The following FSHR variants were observed in gnomAD, a reference collection of about 807,000 sequenced individuals.
The protein encoded by FSHR is follicle-stimulating hormone receptor.
A neutral mutation model predicts 52.1 loss-of-function variants in FSHR; 46 were observed. The observed-to-expected ratio is 0.88, with a 90% confidence interval of 0.70 to 1.13. The LOEUF is 1.13. FSHR is among the 50% of genes most tolerant of loss of function. FSHR has a pLI of 0.00. For synonymous variants in FSHR, 399 were observed against 309.6 expected, an observed-to-expected ratio of 1.29 and a Z score of -3.03; for missense variants, 964 against 834.6, an observed-to-expected ratio of 1.16 and a Z score of -1.91.
At chr2:49,015,996 G>C (rs909533953) in intron 4 of FSHR, among the ~76,000 whole-genome samples, 11 of 152,050 alleles carry the variant, frequency 7.2e-5, no homozygotes, top group Non-Finnish European at 1.3e-4. Flanking sequence ...ACCCTTTCTG[G>C]GGTAGCTGTC....
intron 9 of FSHR, among the ~76,000 whole-genome samples, chr2:48,966,165 G>C (rs1362737435): frequency 6.6e-6 from 1 of 152,198 alleles, no homozygotes; most frequent in Non-Finnish European, 1.5e-5. Flanking sequence ...AAGATACAGA[G>C]TATTACAGTG....
At chr2:49,141,568 C>G (rs1298725939) in intron 1 of FSHR, among the ~76,000 whole-genome samples, 2 of 152,154 alleles carry the variant, frequency 1.3e-5, no homozygotes, top group Non-Finnish European at 2.9e-5. Context: ...ATACCTCCCA[C>G]CAGGCCCCAC....
At chr2:48,967,686 T>C (rs538245757) in intron 9 of FSHR, among the ~76,000 whole-genome samples, 9 of 152,348 alleles carry the variant, frequency 5.9e-5, no homozygotes, top group Admixed American at 2.6e-4. Context: ...GAGTAGGGAC[T>C]TCCAGCTACT....
At chr2:49,007,628 T>C (rs1400620993) in intron 4 of FSHR, among the ~76,000 whole-genome samples, 1 of 152,112 alleles carries the variant, frequency 6.6e-6, no homozygotes, top group African/African-American at 2.4e-5. Flanking sequence ...TTGAGAAACA[T>C]GAATGATGTA....
chr2:48,995,319 T>C (rs1191548242), intron 4 of FSHR, among the ~76,000 whole-genome samples: 2 of 152,086 alleles, frequency 1.3e-5, no homozygotes, highest in African/African-American at 2.4e-5. Flanking sequence ...GTGAATGCTT[T>C]ATGAGTTCAG....
intron 4 of FSHR, among the ~76,000 whole-genome samples, chr2:49,009,835 T>C (rs1163318292): frequency 5.3e-5 from 6 of 113,670 alleles, no homozygotes; most frequent in African/African-American, 1.6e-4. Context: ...GTTTGTCTGT[T>C]GCTGGTGTAT....
intron 2 of FSHR, among the ~76,000 whole-genome samples, chr2:49,036,212 T>C (rs1413002916): frequency 4.6e-5 from 7 of 152,198 alleles, no homozygotes; most frequent in Non-Finnish European, 8.8e-5. Flanking sequence ...CAAATTGTGA[T>C]GAGAGGTACG....
At chr2:49,062,179 C>T (rs1008509078) in intron 2 of FSHR, among the ~76,000 whole-genome samples, 1 of 152,024 alleles carries the variant, frequency 6.6e-6, no homozygotes, top group African/African-American at 2.4e-5. Flanking sequence ...AAATATACTA[C>T]AAAGCTATAG....
Position 48,963,848 on chromosome 2 carries a change from C to G in FSHR, c.973G>C (p.Gly325Arg), listed in dbSNP as rs768892485. The stretch of plus-strand genomic sequence containing the variant: ...AACTCAGTGTACGTCATGTCAAATC[C>G]TCTGCTGTAGCTGGACTCATTGTCT... ...AEDNESSYSR[G>R]FDMTYTEFDY... The change falls in exon 10 of 10, where the codon GGA becomes CGA. Residue 325 changes from glycine to arginine, a missense_variant. Physicochemically the swap from Gly to Arg is moderately radical, Grantham distance 125. Transcript: ENST00000406846. The G allele has an allele frequency of 6.2e-7, 1 of 1,613,994 alleles. No individual in the cohort carries two copies. The highest frequency in any genetic ancestry group is 8.5e-7 in the Non-Finnish European group (1 of 1,180,020).
intron 8 of FSHR, among the ~76,000 whole-genome samples, chr2:48,976,601 C>T (rs1675001274): frequency 6.6e-6 from 1 of 152,144 alleles, no homozygotes; most frequent in Non-Finnish European, 1.5e-5. Context: ...GGCTGTGAAT[C>T]TGTCTGGTCC....
chr2:49,138,690 G>T (rs1672571337), intron 1 of FSHR, among the ~76,000 whole-genome samples: 1 of 152,172 alleles, frequency 6.6e-6, no homozygotes, highest in Admixed American at 6.5e-5. Context: ...CTTGCTCAGG[G>T]ATGAATGGAG....
chr2:49,037,571 AAAT>A (rs57766180), intron 2 of FSHR, among the ~76,000 whole-genome samples: 4,706 of 152,300 alleles, frequency 0.031, 208 homozygotes, highest in African/African-American at 0.1. Flanking sequence ...ATTATAAGAA[AAAT>A]AAGAAAATTT....
chr2:49,074,775 G>A (rs1045824105), intron 1 of FSHR, among the ~76,000 whole-genome samples: 1 of 143,606 alleles, frequency 7.0e-6, no homozygotes, highest in African/African-American at 2.6e-5. Context: ...AATCAACCTA[G>A]TTGTCCAACA....
chr2:49,133,642 G>A (rs1672377307), intron 1 of FSHR, among the ~76,000 whole-genome samples: 1 of 152,114 alleles, frequency 6.6e-6, no homozygotes, highest in East Asian at 1.9e-4. Context: ...CAAAGCTGGA[G>A]GCATCACACT....
intron 4 of FSHR, among the ~76,000 whole-genome samples, chr2:49,016,015 G>GAA (rs751218277): frequency 1.3e-5 from 2 of 152,124 alleles, no homozygotes; most frequent in Non-Finnish European, 2.9e-5. Context: ...TCAGAGAGCA[G>GAA]AAGTTCCAGG....
intron 4 of FSHR, among the ~76,000 whole-genome samples, chr2:49,008,877 TG>T (rs1667166183): frequency 6.6e-6 from 1 of 151,436 alleles, no homozygotes; most frequent in South Asian, 2.1e-4. Flanking sequence ...TGGGGTTGTT[TG>T]TTTTTTTCTT....
intron 1 of FSHR, among the ~76,000 whole-genome samples, chr2:49,091,778 A>G (rs1670621820): frequency 1.3e-5 from 2 of 152,196 alleles, no homozygotes; most frequent in Non-Finnish European, 2.9e-5. Context: ...TGATTATTGC[A>G]GTTTTATAGT....
At position 48,962,798 on chromosome 2, in the gene FSHR, C is replaced by A. The variant is rs1167817009; in HGVS notation, c.2023G>T (p.Ala675Ser). 1 of 1,614,136 alleles carries A rather than the reference C, an allele frequency of 6.2e-7. No individual in the cohort carries two copies. The highest frequency in any genetic ancestry group is 8.5e-7 in the Non-Finnish European group (1 of 1,179,980). ...GTGGAACCACTGGTGACTCTGGGAG[C>A]TGAAGAGCAGTGGCCATTCCTTGGA... The part of the protein sequence containing the change: ...THPRNGHCSS[A>S]PRVTSGSTYI... The change falls in exon 10 of 10, where the codon GCT becomes TCT. Residue 675 changes from alanine (A) to serine (S), a missense_variant. Ala to Ser is a moderately conservative substitution (Grantham distance 99). Coordinates refer to ENST00000406846, the MANE Select transcript of FSHR (RefSeq NM_000145.4).
chr2:49,029,216 A>C (rs559379996), intron 2 of FSHR, among the ~76,000 whole-genome samples: 1 of 152,206 alleles, frequency 6.6e-6, no homozygotes, highest in African/African-American at 2.4e-5. Flanking sequence ...AGTATTTACT[A>C]CCTGTGATTG....
Sources: allele counts gnomAD v4.1 joint callset (sites outside exome capture counted in the v4.1 genomes callset), GRCh38; gene constraint gnomAD v4.1.1; transcripts MANE v1.5; gene names NCBI Gene and HGNC (gene_info 2026-07-23, HGNC 2026-07-21).